Variants in RABGAP1L observed in about 807,000 individuals in gnomAD.
The protein encoded by RABGAP1L is RAB GTPase activating protein 1 like.
Under a neutral mutation model 137.7 loss-of-function variants are expected in RABGAP1L, and 63 were observed. The observed-to-expected ratio is 0.46, with a 90% CI of 0.37 to 0.56. The LOEUF is 0.56. RABGAP1L is among the 20% of genes least tolerant of loss of function. The pLI, the probability that RABGAP1L is intolerant of heterozygous loss-of-function variation, is 0.00. For synonymous variants in RABGAP1L, 431 were observed against 433.7 expected (o/e 0.99, Z 0.08); for missense variants, 1,095 against 1,244.0 (o/e 0.88, Z 1.80).
chr1:174,238,523 T>G (rs928515716), intron 4 of RABGAP1L, among the ~76,000 whole-genome samples: 16 of 152,126 alleles, frequency 1.1e-4, no homozygotes, highest in Admixed American at 2.6e-4. Context: ...TGGAATACCC[T>G]GCAGTGTGAG....
intron 14 of RABGAP1L, among the ~76,000 whole-genome samples, chr1:174,668,997 G>T (rs565903825): frequency 1.3e-5 from 2 of 152,128 alleles, no homozygotes; most frequent in South Asian, 4.2e-4. Context: ...AATTTTCATT[G>T]TTAACCCCTC....
chr1:174,615,329 C>T (rs1671714409), intron 13 of RABGAP1L, among the ~76,000 whole-genome samples: 1 of 152,174 alleles, frequency 6.6e-6, no homozygotes, highest in South Asian at 2.1e-4. Context: ...TTGGGGTTTG[C>T]TGGATGTCCA....
chr1:174,434,941 G>A, intron 13 of RABGAP1L, among the ~76,000 whole-genome samples: 1 of 152,102 alleles, frequency 6.6e-6, no homozygotes, highest in Non-Finnish European at 1.5e-5. Flanking sequence ...TCTTAATGAT[G>A]TCTTTTGCTA....
intron 10 of RABGAP1L, among the ~76,000 whole-genome samples, chr1:174,287,439 TG>T (rs371660538): frequency 3.8e-4 from 58 of 152,312 alleles, no homozygotes; most frequent in African/African-American, 1.2e-3. Flanking sequence ...GTGAGTCTCT[TG>T]TAGGTAGCAT....
chr1:174,692,570 A>G (rs1211809767), intron 15 of RABGAP1L, among the ~76,000 whole-genome samples: 1 of 152,188 alleles, frequency 6.6e-6, no homozygotes, highest in African/African-American at 2.4e-5. Flanking sequence ...TACACAAGAA[A>G]TGCTGTCACT....
intron 13 of RABGAP1L, among the ~76,000 whole-genome samples, chr1:174,546,657 T>G (rs1423177158): frequency 6.6e-6 from 1 of 152,202 alleles, no homozygotes; most frequent in East Asian, 1.9e-4. Context: ...ATTAGAACCA[T>G]TAGAATTGCT....
intron 18 of RABGAP1L, among the ~76,000 whole-genome samples, chr1:174,773,342 A>G (rs1686274266): frequency 6.6e-6 from 1 of 152,196 alleles, no homozygotes; most frequent in African/African-American, 2.4e-5. Flanking sequence ...TCTGAACAAC[A>G]TAGTGAGACC....
chr1:174,740,772 G>A (rs1043689938), intron 17 of RABGAP1L, among the ~76,000 whole-genome samples: 3 of 151,918 alleles, frequency 2.0e-5, no homozygotes, highest in African/African-American at 7.3e-5. Context: ...TTCTGGCTGA[G>A]GTATGCTATC....
At chr1:174,562,946 A>G (rs1667321831) in intron 13 of RABGAP1L, among the ~76,000 whole-genome samples, 1 of 152,186 alleles carries the variant, frequency 6.6e-6, no homozygotes, top group African/African-American at 2.4e-5. Context: ...TGGCACGTGT[A>G]TACCTATGTA....
intron 12 of RABGAP1L, among the ~76,000 whole-genome samples, chr1:174,384,158 C>A (rs181202861): frequency 2.0e-5 from 3 of 152,228 alleles, no homozygotes; most frequent in Admixed American, 1.3e-4. Context: ...TGTTAAGTGA[C>A]CTATGCCAAA....
chr1:174,538,715 T>C (rs1665099376), intron 13 of RABGAP1L, among the ~76,000 whole-genome samples: 1 of 152,156 alleles, frequency 6.6e-6, no homozygotes, highest in African/African-American at 2.4e-5. Context: ...TGGTCAAATA[T>C]ATGAAACCCA....
At chr1:174,207,790 G>A (rs1386839359) in intron 1 of RABGAP1L, among the ~76,000 whole-genome samples, 1 of 152,062 alleles carries the variant, frequency 6.6e-6, no homozygotes, top group African/African-American at 2.4e-5. Flanking sequence ...AAATATAGGG[G>A]TATTCAAGTT....
At chr1:174,349,614 G>C (rs1370181024) in intron 11 of RABGAP1L, among the ~76,000 whole-genome samples, 5 of 141,940 alleles carry the variant, frequency 3.5e-5, no homozygotes, top group Admixed American at 2.1e-4. Context: ...TCCCGGATGG[G>C]GCGGCTGGCC....
rs141470344 is a variant in RABGAP1L at position 174,219,238 on chromosome 1, G to A, written c.81G>A (p.Leu27=). 11 of 1,602,988 alleles carry A rather than the reference G, an allele frequency of 6.9e-6. No individual in the cohort carries two copies. The highest frequency in any genetic ancestry group is 8.5e-6 in the Non-Finnish European group (10 of 1,173,688). Residue 27 remains leucine, a synonymous_variant, in exon 2 of 26, where the codon TTG becomes TTA. Coordinates refer to ENST00000681986, the MANE Select transcript of RABGAP1L (RefSeq NM_001366446.1). The part of the protein sequence containing the change: ...VATMNSEEFV[L]VPQYADDNST... Reference sequence around the variant, plus strand: ...CAATGAACAGTGAAGAATTTGTTTTGGTTCCTCAGTATGCAGATGATAATT... The same window carrying A: ...CAATGAACAGTGAAGAATTTGTTTTAGTTCCTCAGTATGCAGATGATAATT...
At chr1:174,380,285 G>T (rs1456901502) in intron 12 of RABGAP1L, among the ~76,000 whole-genome samples, 1 of 152,162 alleles carries the variant, frequency 6.6e-6, no homozygotes, top group East Asian at 1.9e-4. Context: ...TTTGGTATCA[G>T]AATGATGCTG....
chr1:174,948,945 A>G (rs1416190747), intron 19 of RABGAP1L: 2 of 152,174 alleles, frequency 1.3e-5, no homozygotes, highest in Non-Finnish European at 2.9e-5. Flanking sequence ...TAAATTAGCC[A>G]CCTGTACTAC....
At chr1:174,284,614 A>G (rs1162176641) in intron 10 of RABGAP1L, among the ~76,000 whole-genome samples, 1 of 151,772 alleles carries the variant, frequency 6.6e-6, no homozygotes, top group Non-Finnish European at 1.5e-5. Flanking sequence ...ATCATGTGGT[A>G]GCTCTATTTT....
intron 13 of RABGAP1L, among the ~76,000 whole-genome samples, chr1:174,500,737 A>G (rs1479656692): frequency 6.6e-6 from 1 of 152,182 alleles, no homozygotes; most frequent in Admixed American, 6.5e-5. Context: ...ATTATTATCC[A>G]TAATTTCTTA....
chr1:174,167,481 G>C (rs183670073), intron 1 of RABGAP1L, among the ~76,000 whole-genome samples: 1 of 152,290 alleles, frequency 6.6e-6, no homozygotes, highest in Non-Finnish European at 1.5e-5. Flanking sequence ...TTGAAAACAA[G>C]TGTTCTAGCT....
Sources: gnomAD v4.1 joint callset for allele counts (sites outside exome capture counted in the v4.1 genomes callset) on GRCh38, gnomAD v4.1.1 for gene constraint, MANE v1.5 for transcripts, NCBI Gene and HGNC (gene_info 2026-07-23, HGNC 2026-07-21) for gene names.